The following TMEM108 variants were observed in gnomAD, a reference collection of about 807,000 sequenced individuals.
TMEM108 encodes cancer/testis antigen 124.
TMEM108 carries 12 observed loss-of-function variants against 35.1 expected under a neutral mutation model. The ratio of observed to expected loss-of-function variants is 0.34; its 90% CI spans 0.22 to 0.55. The LOEUF is 0.55. Among genes scored for constraint, TMEM108 ranks in the 20% least tolerant of loss-of-function variants. TMEM108 has a pLI of 0.89. For missense variants in TMEM108, 680 were observed against 753.3 expected (o/e 0.90, Z 1.14); for synonymous variants, 287 against 308.6 (o/e 0.93, Z 0.73).
chr3:133,112,781 A>T (rs1944241519), intron 2 of TMEM108, among the ~76,000 whole-genome samples: 1 of 152,202 alleles, frequency 6.6e-6, no homozygotes, highest in African/African-American at 2.4e-5. Context: ...TAAGGGAGAA[A>T]TCAGAGAATT....
chr3:133,108,317 G>C (rs1299080157), intron 2 of TMEM108, among the ~76,000 whole-genome samples: 1 of 152,102 alleles, frequency 6.6e-6, no homozygotes, highest in Non-Finnish European at 1.5e-5. Context: ...CATTCTAACT[G>C]GTGTGAGATG....
intron 2 of TMEM108, among the ~76,000 whole-genome samples, chr3:133,192,066 G>A (rs1945506157): frequency 1.3e-5 from 2 of 152,074 alleles, no homozygotes; most frequent in African/African-American, 4.8e-5. Flanking sequence ...ATTTTGCTGA[G>A]ATCATGTATG....
chr3:133,189,334 A>T (rs1358983952), intron 2 of TMEM108, among the ~76,000 whole-genome samples: 1 of 152,244 alleles, frequency 6.6e-6, no homozygotes, highest in Non-Finnish European at 1.5e-5. Context: ...AAGGGTAAAC[A>T]TGTATAAACA....
chr3:133,391,000 T>G (rs969837244), intron 5 of TMEM108, among the ~76,000 whole-genome samples: 6 of 152,172 alleles, frequency 3.9e-5, no homozygotes, highest in Non-Finnish European at 8.8e-5. Context: ...TCCATACTCT[T>G]TCCATCCTCA....
At chr3:133,176,039 A>G (rs569752398) in intron 2 of TMEM108, among the ~76,000 whole-genome samples, 1 of 152,376 alleles carries the variant, frequency 6.6e-6, no homozygotes, top group East Asian at 1.9e-4. Context: ...TGGAAAAAAC[A>G]GAATTTAAAC....
chr3:133,271,188 A>G lies in TMEM108; in HGVS notation c.40+41837A>G, dbSNP rs118067282. On this transcript the variant is annotated intron_variant, in intron 3 of 5. Coordinates refer to ENST00000321871, the MANE Select transcript of TMEM108 (RefSeq NM_023943.4). ...GCCAAAATGGACAATTGTAGAGACC[A>G]GGCAAGACTCAGCTCACTGGTTGAG... Among the ~76,000 whole-genome samples, 76 of 152,226 alleles carry G rather than the reference A, an allele frequency of 5.0e-4. No homozygotes were observed. In the East Asian group the frequency reaches 0.011, roughly 22 times the overall value.
chr3:133,269,288 T>C (rs148043528), intron 3 of TMEM108, among the ~76,000 whole-genome samples: 5 of 152,198 alleles, frequency 3.3e-5, no homozygotes, highest in African/African-American at 9.6e-5. Flanking sequence ...TTTTAAAAAC[T>C]GATAAATGAG....
At chr3:133,374,278 C>A (rs991593910) in intron 3 of TMEM108, among the ~76,000 whole-genome samples, 1 of 152,072 alleles carries the variant, frequency 6.6e-6, no homozygotes, top group Admixed American at 6.5e-5. Context: ...TAAAATCACA[C>A]CAAGAGTCCA....
At chr3:133,161,305 A>G (rs185415753) in intron 2 of TMEM108, among the ~76,000 whole-genome samples, 32 of 152,132 alleles carry the variant, frequency 2.1e-4, no homozygotes, top group African/African-American at 6.7e-4. Context: ...TCTCACCTTA[A>G]CATCCTCGAG....
Position 133,178,767 on chromosome 3 carries a change from A to G in TMEM108, c.-46-50499A>G, listed in dbSNP as rs866323151. ...GGCATGGGCAAGGACTTCATGTCTA[A>G]AACACCAAAAGCAATGGCAACAAAA... On this transcript the variant is annotated intron_variant, in intron 2 of 5. Coordinates refer to ENST00000321871, the MANE Select transcript of TMEM108 (RefSeq NM_023943.4). Among the ~76,000 whole-genome samples, 103 of 152,354 alleles carry G rather than the reference A, an allele frequency of 6.8e-4. 2 individuals are homozygous for G. Among genetic ancestry groups the G allele is most frequent in the South Asian group, 1.0e-3 (5 of 4,832 alleles).
At chr3:133,144,946 A>G (rs1040187338) in intron 2 of TMEM108, among the ~76,000 whole-genome samples, 2 of 152,044 alleles carry the variant, frequency 1.3e-5, no homozygotes, top group African/African-American at 2.4e-5. Flanking sequence ...TTCTTTTGCT[A>G]TGCAGAAGCT....
intron 2 of TMEM108, among the ~76,000 whole-genome samples, chr3:133,216,506 A>G (rs1945911245): frequency 6.6e-6 from 1 of 152,134 alleles, no homozygotes; most frequent in Admixed American, 6.6e-5. Flanking sequence ...ATATGTTATT[A>G]TTAACTATTG....
intron 2 of TMEM108, among the ~76,000 whole-genome samples, chr3:133,168,174 T>C (rs574092785): frequency 5.9e-5 from 9 of 152,282 alleles, no homozygotes; most frequent in Non-Finnish European, 1.3e-4. Flanking sequence ...TTTAAGATTT[T>C]TATGGGGTTG....
chr3:133,364,878 G>A (rs1344294873), intron 3 of TMEM108, among the ~76,000 whole-genome samples: 2 of 152,176 alleles, frequency 1.3e-5, no homozygotes, highest in African/African-American at 4.8e-5. Context: ...AAGAGAAGCC[G>A]GATCAGGCAG....
chr3:133,270,972 G>GC (rs1293659545), intron 3 of TMEM108, among the ~76,000 whole-genome samples: 2 of 152,080 alleles, frequency 1.3e-5, no homozygotes, highest in South Asian at 2.1e-4. Context: ...AAGTTCCAAA[G>GC]CCCCCAAGCC....
At chr3:133,332,082 G>GCGCACACA (rs1375377477) in intron 3 of TMEM108, among the ~76,000 whole-genome samples, 2 of 150,916 alleles carry the variant, frequency 1.3e-5, no homozygotes, top group African/African-American at 4.9e-5. Context: ...GTGCGCACGT[G>GCGCACACA]CACACACACA....
intron 3 of TMEM108, chr3:133,303,192 T>A (rs922024835): frequency 2.0e-5 from 3 of 152,178 alleles, no homozygotes; most frequent in Non-Finnish European, 2.9e-5. Flanking sequence ...ACTGTATTTA[T>A]CTATTATTTA....
At chr3:133,063,707 G>A (rs1028866346) in intron 2 of TMEM108, among the ~76,000 whole-genome samples, 1 of 152,098 alleles carries the variant, frequency 6.6e-6, no homozygotes, top group Non-Finnish European at 1.5e-5. Context: ...TATTCCCAAG[G>A]CTATTGATTT....
At chr3:133,209,317 G>C (rs906262261) in intron 2 of TMEM108, among the ~76,000 whole-genome samples, 3 of 152,040 alleles carry the variant, frequency 2.0e-5, no homozygotes, top group African/African-American at 7.2e-5. Flanking sequence ...TGGGATTATA[G>C]GCATGAGCCA....
Sources: gnomAD v4.1 joint callset for allele counts (sites outside exome capture counted in the v4.1 genomes callset) on GRCh38, gnomAD v4.1.1 for gene constraint, MANE v1.5 for transcripts, NCBI Gene and HGNC (gene_info 2026-07-23, HGNC 2026-07-21) for gene names.